Variants in KRT84 observed in about 807,000 individuals in gnomAD.
KRT84 encodes keratin 84.
KRT84 carries 38 observed loss-of-function variants against 49.0 expected under a neutral mutation model. That is an observed-to-expected ratio of 0.78 (90% CI 0.60 to 1.02). The LOEUF (loss-of-function observed/expected upper bound fraction) is 1.02, where lower values mean the gene tolerates loss of function less well. Among genes scored for constraint, KRT84 ranks in the 50% least tolerant of loss-of-function variants. The pLI, the probability that KRT84 is intolerant of heterozygous loss-of-function variation, is 0.00. For synonymous variants in KRT84, 334 were observed against 312.8 expected, an observed-to-expected ratio of 1.07 and a Z score of -0.72; for missense variants, 860 against 788.6, an observed-to-expected ratio of 1.09 and a Z score of -1.08.
At chr12:52,380,022 C>CAGA in intron 7 of KRT84, 115 bp from the exon 8 acceptor site, 1 of 894,800 alleles carries the variant, frequency 1.1e-6, no homozygotes, top group Non-Finnish European at 1.8e-6. Flanking sequence ...GTTCTCACCC[C>CAGA]TGGTTATACA....
In KRT84 at chr12:52,378,354, C is replaced by T; in HGVS notation, c.1483G>A (p.Val495Met). The change falls in exon 9 of 9, where the codon GTG (valine) becomes ATG (methionine). Residue 495 changes from valine (V) to methionine (M), a missense_variant. Transcript: ENST00000257951. ...ISVSSSRGGLVCGPEPLVAGS... is the reference protein window; with the variant it reads ...ISVSSSRGGLMCGPEPLVAGS... The stretch of plus-strand genomic sequence containing the variant: ...GCAACCAAAGGCTCAGGCCCGCACA[C>T]CAGGCCGCCCCGGGAGCTGCTGACG... 1 of 1,480,610 alleles carries T rather than the reference C, an allele frequency of 6.8e-7. No individual in the cohort carries two copies. Among genetic ancestry groups the T allele is most frequent in the Non-Finnish European group, 8.9e-7 (1 of 1,119,516 alleles). 91.7% of individuals were successfully genotyped at this position (1,480,610 alleles called of 1,614,324 possible). A position where few individuals can be genotyped will look rare whatever the true frequency, so the allele number is the denominator to read the frequency against.
chr12:52,381,264 A>G, intron 5 of KRT84, 59 bp from the exon 6 acceptor site: 2 of 1,610,040 alleles, frequency 1.2e-6, no homozygotes, highest in Non-Finnish European at 1.7e-6. Flanking sequence ...CACAGCCCCC[A>G]CTGAGTTGGG....
rs373368600 is a variant in KRT84, at chr12:52,385,115, A to G, written c.471T>C (p.Asn157=). The G allele has an allele frequency of 1.9e-6, 3 of 1,600,122 alleles. No individual in the cohort carries two copies. The highest frequency in any genetic ancestry group is 1.7e-5 in the Admixed American group (1 of 58,814). ...TCTCATCCTTCTTCACCCTCTGGGC[A>G]TTGGGGTCAATCTCCAGGTTGAGGG... The part of the protein sequence containing the change: ...LTPLNLEIDP[N]AQRVKKDEKE... Residue 157 remains asparagine, a synonymous_variant, in exon 1 of 9, where the codon AAT becomes AAC. Transcript: ENST00000257951.
Position 52,385,375 on chromosome 12 carries a change from G to C in KRT84, c.211C>G (p.Arg71Gly), listed in dbSNP as rs145217788. ...AAGCGGACTCCACAGTGGATGGGCC[G>C]AGAGCCTACAGCTGCTATCCGGGGT... ...YSPRIAAVGSRPIHCGVRFGA... is the reference protein window; with the variant it reads ...YSPRIAAVGSGPIHCGVRFGA... Residue 71 changes from arginine (R) to glycine (G), a missense_variant, in exon 1 of 9, where the codon CGG (arginine) becomes GGG (glycine). By Grantham distance (125) the Arg-to-Gly change is moderately radical. Transcript: ENST00000257951. 3.7e-6 allele frequency: 6 copies of C among 1,614,056 alleles called. No homozygotes were observed. Among genetic ancestry groups the C allele is most frequent in the Non-Finnish European group, 5.1e-6 (6 of 1,180,042 alleles).
At chr12:52,384,847 G>A (rs751239744) in intron 1 of KRT84, among the ~76,000 whole-genome samples, 193 bp downstream of exon 1, 2 of 152,120 alleles carry the variant, frequency 1.3e-5, no homozygotes, top group Admixed American at 6.5e-5. Context: ...CATGCAGCTC[G>A]TCCTCTGGCT....
chr12:52,383,891 A>G (rs941401203), intron 1 of KRT84, 93 bp from the exon 2 acceptor site: 7 of 989,280 alleles, frequency 7.1e-6, no homozygotes, highest in Non-Finnish European at 7.6e-6. Flanking sequence ...TGACTTGACC[A>G]CATGTCGACA....
chr12:52,381,293 G>A, intron 5 of KRT84, 68 bp downstream of exon 5: 2 of 1,610,662 alleles, frequency 1.2e-6, no homozygotes, highest in South Asian at 2.2e-5. Context: ...ACCTCCCTGG[G>A]CCTGATCTGT....
chr12:52,382,569 G>C (rs190953125), intron 3 of KRT84, 37 bp from the exon 4 acceptor site: 1 of 1,535,228 alleles, frequency 6.5e-7, no homozygotes, highest in South Asian at 1.1e-5. Flanking sequence ...CTCATCGCCT[G>C]GGCACTGTTT....
Position 52,378,137 on chromosome 12 carries a change from G to A in KRT84, c.1700C>T (p.Pro567Leu), listed in dbSNP as rs750893183. 2.6e-6 allele frequency: 4 copies of A among 1,562,166 alleles called. No homozygotes were observed. The highest frequency in any genetic ancestry group is 1.4e-5 in the African/African-American group (1 of 73,046). The change falls in exon 9 of 9, where the codon CCC becomes CTC. Residue 567 changes from proline (P) to leucine (L), a missense_variant. By Grantham distance (98) the Pro-to-Leu change is moderately conservative (BLOSUM62 -3). Transcript: ENST00000257951. ...LISEACVPSV[P>L]CPLPTQGGFS... ...GCCCCCCTGGGTGGGCAGGGGGCAG[G>A]GGACGCTGGGGACACAGGCCTCGCT... is the stretch of plus-strand genomic sequence containing the variant.
chr12:52,382,399 T>G, intron 4 of KRT84, 38 bp downstream of exon 4: 20 of 1,381,844 alleles, frequency 1.4e-5, no homozygotes, highest in Non-Finnish European at 2.1e-5. Context: ...GGCCAAGCAT[T>G]GATCTCCTTG....
Position 52,378,194 on chromosome 12 carries a change from C to T in KRT84, c.1643G>A (p.Ser548Asn), listed in dbSNP as rs760717774. Residue 548 changes from serine (S) to asparagine (N), a missense_variant, in exon 9 of 9, where the codon AGC becomes AAC. By Grantham distance (46) the Ser-to-Asn change is conservative. Coordinates refer to ENST00000257951, the MANE Select transcript of KRT84 (RefSeq NM_033045.4). ...RVAPATGDLL[S>N]TGTRSGSMLI... ...CATGGAGCCACTCCTTGTGCCAGTG[C>T]TCAGCAGGTCCCCAGTGGCCGGGGC... 1.1e-5 allele frequency: 18 copies of T among 1,576,206 alleles called. No individual in the cohort carries two copies. The highest frequency in any genetic ancestry group is 1.5e-5 in the Non-Finnish European group (17 of 1,162,238).
intron 3 of KRT84, 53 bp downstream of exon 3, chr12:52,382,952 G>A: frequency 6.6e-7 from 1 of 1,518,156 alleles, no homozygotes; most frequent in Admixed American, 1.7e-5. Flanking sequence ...GGAGTCTTGA[G>A]AACATTTGCC....
intron 1 of KRT84, among the ~76,000 whole-genome samples, 155 bp from the exon 2 acceptor site, chr12:52,383,953 G>A (rs974815547): frequency 1.3e-5 from 2 of 152,230 alleles, no homozygotes; most frequent in Non-Finnish European, 2.9e-5. Flanking sequence ...GCAGAAGCTG[G>A]AAGGGCAGGT....
intron 2 of KRT84, 87 bp from the exon 3 acceptor site, chr12:52,383,152 T>A: frequency 1.9e-6 from 2 of 1,077,966 alleles, no homozygotes; most frequent in African/African-American, 1.5e-5. Context: ...GCAAGATCTC[T>A]CAGTCTGTGC....
rs961818817 is a variant in KRT84 at position 52,378,339 on chromosome 12, G to A, written c.1498C>T (p.Pro500Ser). ...GAGAGGGTGGAGCCGGCAACCAAAG[G>A]CTCAGGCCCGCACACCAGGCCGCCC... ...SRGGLVCGPEPLVAGSTLSRG... is the reference protein window; with the variant it reads ...SRGGLVCGPESLVAGSTLSRG... Residue 500 changes from proline to serine, a missense_variant, in exon 9 of 9, where the codon CCT becomes TCT. By Grantham distance (74) the Pro-to-Ser change is moderately conservative. Transcript: ENST00000257951. The A allele has an allele frequency of 1.1e-5, 16 of 1,517,308 alleles. No individual in the cohort carries two copies. Among genetic ancestry groups the A allele is most frequent in the Middle Eastern group, 2.3e-4 (1 of 4,392 alleles). 94.0% of individuals were successfully genotyped at this position (1,517,308 alleles called of 1,614,324 possible). A position where few individuals can be genotyped will look rare whatever the true frequency, so the allele number is the denominator to read the frequency against.
rs556523698 is a variant in KRT84 at position 52,380,534 on chromosome 12, G to T, written c.1253C>A (p.Ala418Glu). The T allele has an allele frequency of 6.2e-7, 1 of 1,613,886 alleles. No homozygotes were observed. Among genetic ancestry groups the T allele is most frequent in the South Asian group, 1.1e-5 (1 of 91,042 alleles). The change falls in exon 7 of 9, where the codon GCG becomes GAG. Residue 418 changes from alanine (A) to glutamate (E), a missense_variant. By Grantham distance (107) the Ala-to-Glu change is moderately radical (BLOSUM62 -1). Coordinates refer to ENST00000257951, the MANE Select transcript of KRT84 (RefSeq NM_033045.4). ...CTTGCATTTGGCATCACTGAGGGTC[G>T]CCTCGCCCTGCTGCTCGGCCTCGGC... Reference protein sequence around the residue: ...AVAEAEQQGEATLSDAKCKLA... With the variant: ...AVAEAEQQGEETLSDAKCKLA...
rs768295767 is a variant in KRT84 at position 52,379,902 on chromosome 12, C to G, written c.1430G>C (p.Cys477Ser). The change falls in exon 8 of 9, where the codon TGT (cysteine) becomes TCT (serine). Residue 477 changes from cysteine to serine, a missense_variant. Coordinates refer to ENST00000257951, the MANE Select transcript of KRT84 (RefSeq NM_033045.4). ...TATGTTTACTGGTCCAACACCTTCA[C>G]AGAGCCTGGAAAGGGGAAGAAACAA... is the stretch of plus-strand genomic sequence containing the variant. ...RLLEGEESRLCEGVGPVNISV... is the reference protein window; with the variant it reads ...RLLEGEESRLSEGVGPVNISV... 1.2e-6 allele frequency: 2 copies of G among 1,612,308 alleles called. No individual in the cohort carries two copies. The highest frequency in any genetic ancestry group is 1.7e-6 in the Non-Finnish European group (2 of 1,178,518).
In KRT84 at chr12:52,377,994, C is replaced by G. The variant is rs187607535; in HGVS notation, c.*40G>C. 6,948 of 1,366,540 alleles carry G rather than the reference C, an allele frequency of 5.1e-3. 29 individuals carry two copies. Among genetic ancestry groups the G allele is most frequent in the Admixed American group, 6.6e-3 (187 of 28,226 alleles). 84.7% of individuals were successfully genotyped at this position (1,366,540 alleles called of 1,614,324 possible). ...GGGGGCAGAAGCAGGAGCCGTGGAGCTGGTTCTTCTCTGGGCAGCAGCTGT... is the reference window on the plus strand; with the variant it reads ...GGGGGCAGAAGCAGGAGCCGTGGAGGTGGTTCTTCTCTGGGCAGCAGCTGT... On this transcript the variant is annotated 3_prime_UTR_variant, in exon 9 of 9. Coordinates refer to ENST00000257951, the MANE Select transcript of KRT84 (RefSeq NM_033045.4).
upstream of KRT84, among the ~76,000 whole-genome samples, chr12:52,386,949 C>T (rs966885584): frequency 2.6e-5 from 4 of 152,080 alleles, no homozygotes; most frequent in African/African-American, 9.7e-5. Context: ...GCATCCAGCT[C>T]ATTTGTGCGG....
Sources: gnomAD v4.1 joint callset for allele counts (sites outside exome capture counted in the v4.1 genomes callset) on GRCh38, gnomAD v4.1.1 for gene constraint, MANE v1.5 for transcripts, NCBI Gene and HGNC (gene_info 2026-07-23, HGNC 2026-07-21) for gene names.